Variants in RGS7 observed in about 807,000 individuals in gnomAD.
RGS7 encodes regulator of G protein signaling 7, also known as regulator of G-protein signaling 7.
A neutral mutation model predicts 81.1 loss-of-function variants in RGS7; 27 were observed. The observed-to-expected ratio is 0.33, with a 90% CI of 0.25 to 0.46. RGS7 has a LOEUF of 0.46. Ranked by LOEUF, RGS7 falls within the 20% of genes least tolerant of loss-of-function variation. RGS7 has a pLI of 1.00. For missense variants in RGS7, 396 were observed against 607.4 expected (o/e 0.65, Z 3.66); for synonymous variants, 208 against 207.7 (o/e 1.00, Z -0.01).
At chr1:241,334,063 A>T (rs1180440865) in intron 2 of RGS7, among the ~76,000 whole-genome samples, 1 of 151,524 alleles carries the variant, frequency 6.6e-6, no homozygotes, top group Non-Finnish European at 1.5e-5. Flanking sequence ...ACATATATGT[A>T]TATGTATATG....
intron 2 of RGS7, among the ~76,000 whole-genome samples, chr1:241,303,596 A>G (rs2079902321): frequency 6.6e-6 from 1 of 152,114 alleles, no homozygotes; most frequent in African/African-American, 2.4e-5. Context: ...TCTTTGGTAA[A>G]CCTTTTTTTC....
At chr1:240,888,176 G>A (rs1558417587) in intron 6 of RGS7, among the ~76,000 whole-genome samples, 1 of 152,152 alleles carries the variant, frequency 6.6e-6, no homozygotes, top group Non-Finnish European at 1.5e-5. Context: ...CCTCAAGAAC[G>A]CAGTTCCTGG....
chr1:240,970,926 C>G (rs1175940672), intron 4 of RGS7, among the ~76,000 whole-genome samples: 3 of 152,108 alleles, frequency 2.0e-5, no homozygotes, highest in Non-Finnish European at 2.9e-5. Flanking sequence ...TTGCAGTGAG[C>G]TGATATTGCA....
chr1:241,087,567 C>T (rs113816862), intron 3 of RGS7, among the ~76,000 whole-genome samples: 250 of 152,042 alleles, frequency 1.6e-3, no homozygotes, highest in Non-Finnish European at 2.8e-3. Flanking sequence ...ATCTGGAAGG[C>T]GATTAATCAA....
intron 3 of RGS7, among the ~76,000 whole-genome samples, chr1:241,020,427 A>G (rs1437525075): frequency 6.6e-6 from 1 of 152,090 alleles, no homozygotes; most frequent in Non-Finnish European, 1.5e-5. Context: ...GACATTCCCT[A>G]TGGCTACATA....
chr1:241,003,875 A>G (rs934436821), intron 3 of RGS7, among the ~76,000 whole-genome samples: 1 of 152,108 alleles, frequency 6.6e-6, no homozygotes, highest in Non-Finnish European at 1.5e-5. Context: ...CAGCCTCCCA[A>G]GTAGCTGGGA....
intron 2 of RGS7, among the ~76,000 whole-genome samples, chr1:241,112,504 A>G (rs1186179722): frequency 6.6e-6 from 1 of 152,216 alleles, no homozygotes; most frequent in Non-Finnish European, 1.5e-5. Flanking sequence ...GGACAAAAGC[A>G]TCCTCATGCC....
At chr1:241,121,622 T>A (rs2066260110) in intron 2 of RGS7, among the ~76,000 whole-genome samples, 1 of 151,952 alleles carries the variant, frequency 6.6e-6, no homozygotes, top group Non-Finnish European at 1.5e-5. Context: ...TGCTCTAAAT[T>A]TCTTATCATG....
intron 2 of RGS7, among the ~76,000 whole-genome samples, chr1:241,099,098 T>A (rs1290366645): frequency 6.6e-6 from 1 of 152,206 alleles, no homozygotes; most frequent in South Asian, 2.1e-4. Context: ...TCATAGCACA[T>A]TCATGCTTCA....
At chr1:240,931,720 G>A (rs761821533) in intron 5 of RGS7, among the ~76,000 whole-genome samples, 1 of 152,114 alleles carries the variant, frequency 6.6e-6, no homozygotes, top group Non-Finnish European at 1.5e-5. Flanking sequence ...TCTTAATTGA[G>A]TGATACAATC....
intron 18 of RGS7, among the ~76,000 whole-genome samples, chr1:240,789,443 C>T (rs1572088498): frequency 1.3e-5 from 2 of 152,306 alleles, no homozygotes; most frequent in Admixed American, 1.3e-4. Flanking sequence ...GCTGGTGAGC[C>T]AGGCAGAACA....
chr1:241,321,197 T>A (rs2081190612), intron 2 of RGS7, among the ~76,000 whole-genome samples: 1 of 152,250 alleles, frequency 6.6e-6, no homozygotes, highest in Admixed American at 6.5e-5. Flanking sequence ...AATTGTATCA[T>A]GACAGAGAAG....
At chr1:240,930,897 A>T (rs761611518) in intron 5 of RGS7, 129 bp from the exon 6 acceptor site, 1 of 936,744 alleles carries the variant, frequency 1.1e-6, no homozygotes, top group Non-Finnish European at 1.7e-6. Context: ...AATACAGAAC[A>T]TGTTCCAAGA....
intron 2 of RGS7, among the ~76,000 whole-genome samples, chr1:241,347,368 C>T (rs999706918): frequency 3.9e-5 from 6 of 152,166 alleles, no homozygotes; most frequent in African/African-American, 7.2e-5. Context: ...TCTTCTGACT[C>T]GCGGTCCTTT....
At position 241,321,319 on chromosome 1, in the gene RGS7, G is replaced by T. The variant is rs1253874789; in HGVS notation, c.78+34380C>A. ...AAGAAATGCACTGAAAAATAAAATGGTCTCTCTACAGAAGAACCAAAAAGC... is the reference window on the plus strand; with the variant it reads ...AAGAAATGCACTGAAAAATAAAATGTTCTCTCTACAGAAGAACCAAAAAGC... On this transcript the variant is annotated intron_variant, in intron 2 of 18. Coordinates refer to ENST00000440928, the MANE Select transcript of RGS7 (RefSeq NM_001364886.1). Among the ~76,000 whole-genome samples, 7 of 152,138 alleles carry T rather than the reference G, an allele frequency of 4.6e-5. 2 individuals are homozygous for T. Among genetic ancestry groups the T allele is most frequent in the Admixed American group, 4.6e-4 (7 of 15,272 alleles).
At chr1:241,090,998 G>A (rs956991732) in intron 3 of RGS7, among the ~76,000 whole-genome samples, 4 of 152,182 alleles carry the variant, frequency 2.6e-5, no homozygotes, top group Admixed American at 2.6e-4. Flanking sequence ...TACCCATGAG[G>A]TGGTGAGAAA....
intron 2 of RGS7, among the ~76,000 whole-genome samples, chr1:241,133,562 A>G (rs1240079322): frequency 6.6e-6 from 1 of 152,116 alleles, no homozygotes; most frequent in Non-Finnish European, 1.5e-5. Flanking sequence ...GAAAAAGAAC[A>G]CTCATAATAT....
At chr1:240,905,963 G>T (rs1483560373) in intron 6 of RGS7, among the ~76,000 whole-genome samples, 1 of 152,166 alleles carries the variant, frequency 6.6e-6, no homozygotes, top group African/African-American at 2.4e-5. Flanking sequence ...CAGTGAAAAT[G>T]CTAGCTGGGG....
At chr1:240,785,396 C>A (rs1310730776) in intron 18 of RGS7, among the ~76,000 whole-genome samples, 2 of 152,228 alleles carry the variant, frequency 1.3e-5, no homozygotes, top group African/African-American at 4.8e-5. Context: ...CCGGTTCCCT[C>A]TTTGAATTCT....
Sources: gnomAD v4.1 joint callset for allele counts (sites outside exome capture counted in the v4.1 genomes callset) on GRCh38, gnomAD v4.1.1 for gene constraint, MANE v1.5 for transcripts, NCBI Gene and HGNC (gene_info 2026-07-23, HGNC 2026-07-21) for gene names.